The following PXDNL variants were observed in gnomAD, a reference collection of about 807,000 sequenced individuals.
PXDNL encodes probable oxidoreductase PXDNL.
PXDNL carries 145 observed loss-of-function variants against 150.8 expected under a neutral mutation model. The ratio of observed to expected loss-of-function variants is 0.96; its 90% CI spans 0.84 to 1.10. PXDNL has a LOEUF of 1.10. Ranked by LOEUF, PXDNL falls within the 50% of genes least tolerant of loss-of-function variation. The pLI is 0.00. For missense variants in PXDNL, 2,087 were observed against 1,873.9 expected, an observed-to-expected ratio of 1.11 and a Z score of -2.10; for synonymous variants, 757 against 725.7, an observed-to-expected ratio of 1.04 and a Z score of -0.69.
chr8:51,462,936 G>A (rs914642351), intron 8 of PXDNL, among the ~76,000 whole-genome samples: 7 of 152,068 alleles, frequency 4.6e-5, no homozygotes, highest in African/African-American at 1.2e-4. Flanking sequence ...AGACTTCTCA[G>A]CAGAAACCTT....
At chr8:51,735,032 G>C (rs1817004409) in intron 1 of PXDNL, among the ~76,000 whole-genome samples, 1 of 152,198 alleles carries the variant, frequency 6.6e-6, no homozygotes, top group Non-Finnish European at 1.5e-5. Context: ...AAATTGCTAA[G>C]AGAGTATACT....
chr8:51,334,497 TA>T (rs372387242), intron 21 of PXDNL, among the ~76,000 whole-genome samples: 41 of 151,330 alleles, frequency 2.7e-4, no homozygotes, highest in Non-Finnish European at 5.3e-4. Context: ...AAATCAAAAC[TA>T]AAAAAAGTAC....
At chr8:51,576,396 T>C (rs1376832965) in intron 3 of PXDNL, among the ~76,000 whole-genome samples, 2 of 151,590 alleles carry the variant, frequency 1.3e-5, no homozygotes, top group African/African-American at 4.8e-5. Context: ...ATCTAAACAC[T>C]TGGAAACCAA....
intron 8 of PXDNL, among the ~76,000 whole-genome samples, chr8:51,460,625 G>A (rs573800577): frequency 2.2e-4 from 33 of 151,690 alleles, no homozygotes; most frequent in Non-Finnish European, 3.2e-4. Context: ...GCCAAGACCC[G>A]TTCCTAGTCC....
chr8:51,609,932 A>G (rs960565301), intron 2 of PXDNL, among the ~76,000 whole-genome samples: 10 of 152,268 alleles, frequency 6.6e-5, no homozygotes, highest in African/African-American at 2.4e-4. Flanking sequence ...CCCACTGTCT[A>G]TGTTTGCAAA....
At chr8:51,357,164 C>T (rs369287803) in intron 19 of PXDNL, among the ~76,000 whole-genome samples, 176 of 152,306 alleles carry the variant, frequency 1.2e-3, no homozygotes, top group African/African-American at 3.9e-3. Flanking sequence ...TTATTTGAAT[C>T]AGAATATAGT....
chr8:51,384,036 C>A (rs969651919), intron 17 of PXDNL, among the ~76,000 whole-genome samples: 4 of 152,146 alleles, frequency 2.6e-5, no homozygotes, highest in African/African-American at 9.7e-5. Flanking sequence ...CCCCAAAACA[C>A]AAAGGAAAGG....
intron 3 of PXDNL, among the ~76,000 whole-genome samples, chr8:51,567,148 A>G (rs1812845482): frequency 6.6e-6 from 1 of 151,654 alleles, no homozygotes; most frequent in Non-Finnish European, 1.5e-5. Flanking sequence ...CATACTTTGT[A>G]TGCTTTCTAT....
intron 3 of PXDNL, among the ~76,000 whole-genome samples, chr8:51,578,100 G>GA (rs1242937651): frequency 7.4e-6 from 1 of 134,922 alleles, no homozygotes; most frequent in Admixed American, 7.5e-5. Context: ...AAGAAAGAAA[G>GA]AAAAAGAAAG....
At chr8:51,519,670 CA>C (rs771713308) in intron 4 of PXDNL, among the ~76,000 whole-genome samples, 1 of 151,986 alleles carries the variant, frequency 6.6e-6, no homozygotes, top group Non-Finnish European at 1.5e-5. Context: ...CTGAGTTCAT[CA>C]AAAAATAAAG....
At chr8:51,538,341 T>G (rs144272261) in intron 4 of PXDNL, among the ~76,000 whole-genome samples, 1 of 152,264 alleles carries the variant, frequency 6.6e-6, no homozygotes, top group East Asian at 1.9e-4. Flanking sequence ...TGATAGAAAT[T>G]CCAACAAACT....
At chr8:51,741,132 C>A (rs1360339837) in intron 1 of PXDNL, among the ~76,000 whole-genome samples, 1 of 152,038 alleles carries the variant, frequency 6.6e-6, no homozygotes. Context: ...GGTTGGTAGG[C>A]TATTTATTAC....
At chr8:51,586,400 G>A (rs149900061) in intron 3 of PXDNL, among the ~76,000 whole-genome samples, 24 of 152,328 alleles carry the variant, frequency 1.6e-4, no homozygotes, top group Non-Finnish European at 2.4e-4. Context: ...GAACAATCAT[G>A]AGAGATAGAA....
At chr8:51,594,708 T>C (rs1423766374) in intron 2 of PXDNL, among the ~76,000 whole-genome samples, 1 of 152,210 alleles carries the variant, frequency 6.6e-6, no homozygotes, top group Non-Finnish European at 1.5e-5. Context: ...TACATATTTC[T>C]TGTCAAGTTT....
chr8:51,743,371 C>A (rs1412665318), intron 1 of PXDNL, among the ~76,000 whole-genome samples: 3 of 151,914 alleles, frequency 2.0e-5, no homozygotes, highest in African/African-American at 7.3e-5. Context: ...GTGCCTGCCA[C>A]CGTGCCTGGC....
At chr8:51,725,350 G>T (rs1816802388) in intron 1 of PXDNL, among the ~76,000 whole-genome samples, 1 of 152,160 alleles carries the variant, frequency 6.6e-6, no homozygotes, top group African/African-American at 2.4e-5. Context: ...AAGAGCATTA[G>T]AAATAAAAGA....
At chr8:51,806,022 G>A (rs185380855) in intron 1 of PXDNL, among the ~76,000 whole-genome samples, 1 of 152,298 alleles carries the variant, frequency 6.6e-6, no homozygotes, top group Admixed American at 6.5e-5. Flanking sequence ...CAAAGAGTGA[G>A]ATTTTCTCAA....
rs189465212 is a variant in PXDNL, at chr8:51,374,755, C to T, written c.3558-24G>A. 325 of 1,609,738 alleles carry T rather than the reference C, an allele frequency of 2.0e-4. 4 individuals are homozygous for T. In the Admixed American group the frequency reaches 4.8e-3, roughly 24 times the overall value. On this transcript the variant is annotated intron_variant, in intron 17 of 22. Transcript: ENST00000356297. Reference sequence around the variant, plus strand: ...ACCTGGAACAGAGACAGGCAGACAGCGCACACCTGAGACTGAAAGTGGAAT... The same window carrying T: ...ACCTGGAACAGAGACAGGCAGACAGTGCACACCTGAGACTGAAAGTGGAAT...
Position 51,670,235 on chromosome 8 carries a change from T to TCACA in PXDNL, c.165-15479_165-15476dup, listed in dbSNP as rs34322879. 1.8e-3 allele frequency among the ~76,000 whole-genome samples: 270 copies of TCACA among 150,738 alleles called. 1 individual carries two copies. Among genetic ancestry groups the TCACA allele is most frequent in the African/African-American group, 3.4e-3 (138 of 41,186 alleles). On this transcript the variant is annotated intron_variant, in intron 1 of 22. Transcript: ENST00000356297. ...TGAGCAACAAGAGTGAAATTCCGTC[T>TCACA]CACACACACACACACACAAAAGATT...
Sources: allele counts gnomAD v4.1 joint callset (sites outside exome capture counted in the v4.1 genomes callset), GRCh38; gene constraint gnomAD v4.1.1; transcripts MANE v1.5; gene names NCBI Gene and HGNC (gene_info 2026-07-23, HGNC 2026-07-21).